CNTN4: variants seen among roughly 807,000 people sequenced by gnomAD.
CNTN4 encodes the protein contactin 4.
CNTN4 carries 77 observed loss-of-function variants against 122.5 expected under a neutral mutation model. The ratio of observed to expected loss-of-function variants is 0.63; its 90% CI spans 0.52 to 0.76. CNTN4 has a LOEUF of 0.76. Ranked by LOEUF, CNTN4 falls within the 30% of genes least tolerant of loss-of-function variation. The pLI, the probability that CNTN4 is intolerant of heterozygous loss-of-function variation, is 0.00. For missense variants in CNTN4, 1,256 were observed against 1,259.1 expected, an observed-to-expected ratio of 1.00 and a Z score of 0.04; for synonymous variants, 512 against 447.0, an observed-to-expected ratio of 1.15 and a Z score of -1.83.
intron 13 of CNTN4, among the ~76,000 whole-genome samples, chr3:2,935,129 G>A (rs1472413364): frequency 6.6e-6 from 1 of 152,074 alleles, no homozygotes; most frequent in Non-Finnish European, 1.5e-5. Context: ...TTTCTATGTG[G>A]GTATAGTATG....
intron 2 of CNTN4, among the ~76,000 whole-genome samples, chr3:2,131,658 A>G (rs1389948805): frequency 6.6e-6 from 1 of 152,188 alleles, no homozygotes; most frequent in Non-Finnish European, 1.5e-5. Flanking sequence ...TAAAATGTCC[A>G]CTGTATGGAT....
At chr3:2,303,894 G>T (rs2042611843) in intron 2 of CNTN4, among the ~76,000 whole-genome samples, 1 of 152,178 alleles carries the variant, frequency 6.6e-6, no homozygotes, top group Admixed American at 6.5e-5. Context: ...ATTTAGAGCT[G>T]ATTGTATCCT....
At chr3:2,833,591 C>T (rs939117505) in intron 7 of CNTN4, among the ~76,000 whole-genome samples, 5 of 149,258 alleles carry the variant, frequency 3.3e-5, no homozygotes, top group African/African-American at 5.0e-5. Flanking sequence ...CATGTTTGAG[C>T]GGAAGAAAAA....
At chr3:2,201,169 C>T (rs1046902561) in intron 2 of CNTN4, among the ~76,000 whole-genome samples, 5 of 152,196 alleles carry the variant, frequency 3.3e-5, no homozygotes, top group South Asian at 2.1e-4. Context: ...TTGTTAGTAA[C>T]CTCCCACAGG....
At chr3:2,415,194 A>G (rs2047368905) in intron 3 of CNTN4, among the ~76,000 whole-genome samples, 1 of 152,186 alleles carries the variant, frequency 6.6e-6, no homozygotes, top group South Asian at 2.1e-4. Flanking sequence ...CATTCATGCT[A>G]AGAAAACCAG....
At chr3:2,914,127 A>T (rs1278237931) in intron 12 of CNTN4, among the ~76,000 whole-genome samples, 1 of 152,202 alleles carries the variant, frequency 6.6e-6, no homozygotes, top group Non-Finnish European at 1.5e-5. Context: ...AAAATACAAC[A>T]TACCAAAACT....
At chr3:2,549,500 T>C (rs1244062870) in intron 3 of CNTN4, among the ~76,000 whole-genome samples, 1 of 152,182 alleles carries the variant, frequency 6.6e-6, no homozygotes, top group Non-Finnish European at 1.5e-5. Context: ...GTGGATTACA[T>C]TGATTGATTA....
intron 2 of CNTN4, among the ~76,000 whole-genome samples, chr3:2,310,719 T>G (rs2042883203): frequency 6.6e-6 from 1 of 152,166 alleles, no homozygotes; most frequent in East Asian, 1.9e-4. Flanking sequence ...TAACTAAAAT[T>G]ACCATGATTA....
At chr3:2,967,070 T>C (rs928669955) in intron 13 of CNTN4, among the ~76,000 whole-genome samples, 1 of 152,218 alleles carries the variant, frequency 6.6e-6, no homozygotes, top group Non-Finnish European at 1.5e-5. Context: ...GTTTTACTAT[T>C]ACTCAAATCA....
At chr3:2,384,421 C>T (rs2046158055) in intron 3 of CNTN4, among the ~76,000 whole-genome samples, 1 of 152,190 alleles carries the variant, frequency 6.6e-6, no homozygotes, top group South Asian at 2.1e-4. Flanking sequence ...CATAAATCCG[C>T]CTGTTAGATT....
intron 2 of CNTN4, among the ~76,000 whole-genome samples, chr3:2,192,284 C>G (rs7427265): frequency 3.3e-5 from 5 of 151,754 alleles, no homozygotes; most frequent in Non-Finnish European, 7.4e-5. Flanking sequence ...TTCTAGTTCT[C>G]GATCCTTGAG....
intron 4 of CNTN4, among the ~76,000 whole-genome samples, chr3:2,703,792 GA>G (rs1044951126): frequency 1.4e-4 from 21 of 151,768 alleles, no homozygotes; most frequent in South Asian, 2.1e-4. Context: ...TTCTTAGGGG[GA>G]AAAAACATAG....
At chr3:2,300,560 C>CTT (rs575192976) in intron 2 of CNTN4, among the ~76,000 whole-genome samples, 692 of 62,006 alleles carry the variant, frequency 0.011, 158 homozygotes, top group Non-Finnish European at 0.015. Flanking sequence ...CAGTGACCGT[C>CTT]TTTTTTTTTT....
chr3:2,252,875 C>T (rs1200950168), intron 2 of CNTN4, among the ~76,000 whole-genome samples: 1 of 151,980 alleles, frequency 6.6e-6, no homozygotes. Flanking sequence ...TACTTCTTTG[C>T]TTTTTGGTAC....
At chr3:2,605,881 T>C (rs915536938) in intron 4 of CNTN4, among the ~76,000 whole-genome samples, 1 of 152,148 alleles carries the variant, frequency 6.6e-6, no homozygotes, top group Non-Finnish European at 1.5e-5. Flanking sequence ...GAATAATAAT[T>C]TTAATATGAT....
At chr3:2,513,301 T>TA in intron 3 of CNTN4, among the ~76,000 whole-genome samples, 1 of 152,174 alleles carries the variant, frequency 6.6e-6, no homozygotes, top group East Asian at 1.9e-4. Context: ...CTTAGCTATA[T>TA]TTTTAAATAA....
At chr3:2,201,949 A>G (rs1469685448) in intron 2 of CNTN4, among the ~76,000 whole-genome samples, 1 of 152,150 alleles carries the variant, frequency 6.6e-6, no homozygotes, top group Admixed American at 6.6e-5. Context: ...AAACTCGTCT[A>G]CACTTCCCAC....
chr3:2,315,785 A>G (rs187423411), intron 2 of CNTN4, among the ~76,000 whole-genome samples: 11 of 152,194 alleles, frequency 7.2e-5, no homozygotes, highest in African/African-American at 2.4e-4. Context: ...TGGAGCTATT[A>G]ACTAGAAATT....
chr3:2,139,285 A>C (rs1486297243), intron 2 of CNTN4, among the ~76,000 whole-genome samples: 3 of 152,200 alleles, frequency 2.0e-5, no homozygotes, highest in African/African-American at 7.2e-5. Context: ...GAATTTATGT[A>C]CTAACGTAAT....
Sources: allele counts gnomAD v4.1 joint callset (sites outside exome capture counted in the v4.1 genomes callset), GRCh38; gene constraint gnomAD v4.1.1; transcripts MANE v1.5; gene names NCBI Gene and HGNC (gene_info 2026-07-23, HGNC 2026-07-21).